Variants in MLLT10 observed in about 807,000 individuals in gnomAD.
The protein encoded by MLLT10 is protein AF-10.
Under a neutral mutation model 129.1 loss-of-function variants are expected in MLLT10, and 30 were observed. That is an observed-to-expected ratio of 0.23 (90% confidence interval 0.17 to 0.32). The LOEUF (loss-of-function observed/expected upper bound fraction) is 0.32, where lower values mean the gene tolerates loss of function less well. MLLT10 is among the 10% of genes least tolerant of loss of function. MLLT10 has a pLI of 1.00. For missense variants in MLLT10, 1,119 were observed against 1,268.3 expected (o/e 0.88, Z 1.79); for synonymous variants, 490 against 446.4 (o/e 1.10, Z -1.23).
intron 8 of MLLT10, among the ~76,000 whole-genome samples, chr10:21,636,679 A>G (rs2047497962): frequency 6.6e-6 from 1 of 151,550 alleles, no homozygotes; most frequent in Non-Finnish European, 1.5e-5. Flanking sequence ...GGTGCAAGCC[A>G]TTCTCCTGCC....
At chr10:21,683,914 C>T (rs2053009214) in intron 13 of MLLT10, among the ~76,000 whole-genome samples, 2 of 152,004 alleles carry the variant, frequency 1.3e-5, no homozygotes, top group South Asian at 4.1e-4. Flanking sequence ...ACTCTTTTTA[C>T]TTACCTAAGA....
At chr10:21,708,504 A>T in intron 13 of MLLT10, 2 of 901,576 alleles carry the variant, frequency 2.2e-6, no homozygotes, top group Non-Finnish European at 2.7e-6. Context: ...TCAAAGAAAG[A>T]TTTAGAATTT....
chr10:21,570,519 C>T (rs2040091288), intron 3 of MLLT10, among the ~76,000 whole-genome samples: 1 of 151,560 alleles, frequency 6.6e-6, no homozygotes. Flanking sequence ...TTTGTGGCTC[C>T]AGTTACAAGT....
At chr10:21,698,696 GTAT>G (rs995496796) in intron 13 of MLLT10, among the ~76,000 whole-genome samples, 1 of 152,166 alleles carries the variant, frequency 6.6e-6, no homozygotes, top group African/African-American at 2.4e-5. Flanking sequence ...TACCAATAGT[GTAT>G]AAGAGTTTAT....
chr10:21,621,001 C>T (rs2045758674), intron 8 of MLLT10, among the ~76,000 whole-genome samples: 1 of 150,078 alleles, frequency 6.7e-6, no homozygotes, highest in Admixed American at 6.6e-5. Context: ...TTTTTTTTTC[C>T]TGAGACGGAG....
intron 13 of MLLT10, chr10:21,688,394 C>A (rs2053510153): frequency 1.0e-6 from 1 of 982,766 alleles, no homozygotes. Context: ...CACACTGCAC[C>A]CCATCATAAT....
chr10:21,590,738 C>CT (rs555664299), intron 4 of MLLT10, among the ~76,000 whole-genome samples: 3 of 152,056 alleles, frequency 2.0e-5, no homozygotes, highest in Non-Finnish European at 4.4e-5. Context: ...CTGGTTTTTT[C>CT]TTTGTTTTTA....
At chr10:21,603,641 G>A (rs1429131881) in intron 5 of MLLT10, among the ~76,000 whole-genome samples, 1 of 152,104 alleles carries the variant, frequency 6.6e-6, no homozygotes, top group Admixed American at 6.6e-5. Context: ...TAGGGCTGCT[G>A]TAACAAAATA....
chr10:21,626,278 TATCA>T (rs2046427261), intron 8 of MLLT10: 2 of 1,435,562 alleles, frequency 1.4e-6, no homozygotes, highest in East Asian at 4.5e-5. Flanking sequence ...CGATACAAGC[TATCA>T]ATCCAGGGCA....
intron 10 of MLLT10, 58 bp downstream of exon 10, chr10:21,670,762 C>T: frequency 6.6e-7 from 1 of 1,520,148 alleles, no homozygotes; most frequent in South Asian, 1.3e-5. Flanking sequence ...AATAGTTATG[C>T]TTTGTAAAAT....
intron 5 of MLLT10, 48 bp downstream of exon 5, chr10:21,595,488 G>A (rs1473762960): frequency 7.0e-7 from 1 of 1,427,766 alleles, no homozygotes. Flanking sequence ...CTACTGGGAA[G>A]TAGAAAGGAA....
intron 8 of MLLT10, among the ~76,000 whole-genome samples, chr10:21,629,135 C>G (rs1005435706): frequency 1.3e-5 from 2 of 151,416 alleles, no homozygotes; most frequent in Non-Finnish European, 2.9e-5. Flanking sequence ...TTTCTTAGGG[C>G]CTTTTGAGTG....
At chr10:21,556,636 T>C (rs2038029081) in intron 3 of MLLT10, 1 of 1,604,290 alleles carries the variant, frequency 6.2e-7, no homozygotes, top group Non-Finnish European at 8.5e-7. Flanking sequence ...TTTTGATTGC[T>C]TTTCAGATGG....
At chr10:21,617,062 A>G in intron 7 of MLLT10, 50 bp from the exon 8 acceptor site, 1 of 870,572 alleles carries the variant, frequency 1.1e-6, no homozygotes, top group African/African-American at 1.8e-5. Flanking sequence ...AGATTTGTTT[A>G]AAAAGTTTTA....
chr10:21,638,257 T>TGGTGGG (rs1416940090), intron 8 of MLLT10, among the ~76,000 whole-genome samples: 1 of 80,530 alleles, frequency 1.2e-5, no homozygotes, highest in African/African-American at 5.5e-5. Flanking sequence ...TTCTTTTTGG[T>TGGTGGG]GGGGGGAGGG....
chr10:21,534,315 C>CCG lies in MLLT10; in HGVS notation c.-205_-204insGC, dbSNP rs1554774974. ...CCCTGGCCCAGCGGGAGCCCCCCCT[C>CCG]CCCCCAGTGCGCCTGTGCGGAGGCC... On this transcript the variant is annotated 5_prime_UTR_variant, in exon 1 of 23. Coordinates refer to ENST00000307729, the MANE Select transcript of MLLT10 (RefSeq NM_001195626.3). The CCG allele has an allele frequency of 2.6e-6, 1 of 391,228 alleles. No homozygotes were observed. The highest frequency in any genetic ancestry group is 4.5e-6 in the Non-Finnish European group (1 of 221,758). 24.2% of individuals were successfully genotyped at this position (391,228 alleles called of 1,614,324 possible).
chr10:21,691,903 G>A lies in MLLT10; in HGVS notation c.1699+9646G>A, dbSNP rs553982938. 2.0e-5 allele frequency among the ~76,000 whole-genome samples: 3 copies of A among 148,786 alleles called. No homozygotes were observed. The East Asian group carries it at 5.9e-4, about 29-fold the overall frequency. On this transcript the variant is annotated intron_variant, in intron 13 of 22. Transcript: ENST00000307729. ...TAATAGACTGGGCACGGTGGCTCAC[G>A]CCTATAATCCCAGCACTTTGGGAGG...
intron 13 of MLLT10, chr10:21,708,880 C>T (rs2055799621): frequency 2.5e-6 from 1 of 402,080 alleles, no homozygotes; most frequent in African/African-American, 2.2e-5. Context: ...AGCATTAACA[C>T]CAAAATGGCC....
chr10:21,564,824 CA>C (rs372061828), intron 3 of MLLT10, among the ~76,000 whole-genome samples: 5,392 of 73,972 alleles, frequency 0.073, 256 homozygotes, highest in African/African-American at 0.21. Flanking sequence ...AACTCCATCT[CA>C]AAAAAAAAAA....
Sources: allele counts gnomAD v4.1 joint callset (sites outside exome capture counted in the v4.1 genomes callset), GRCh38; gene constraint gnomAD v4.1.1; transcripts MANE v1.5; gene names NCBI Gene and HGNC (gene_info 2026-07-23, HGNC 2026-07-21).